Variants in SKAP1 observed in about 807,000 individuals in gnomAD.
The protein encoded by SKAP1 is src kinase associated phosphoprotein 1.
SKAP1 carries 44 observed loss-of-function variants against 58.5 expected under a neutral mutation model. That is an observed-to-expected ratio of 0.75 (90% CI 0.59 to 0.97). The LOEUF (loss-of-function observed/expected upper bound fraction) is 0.97, where lower values mean the gene tolerates loss of function less well. SKAP1 is among the 50% of genes least tolerant of loss of function. The probability of loss-of-function intolerance (pLI) is 0.00; values close to 1 mark genes in which losing one functional copy is unlikely to be tolerated. For missense variants in SKAP1, 390 were observed against 435.2 expected (o/e 0.90, Z 0.92); for synonymous variants, 127 against 149.7 (o/e 0.85, Z 1.11).
rs553109662 is a variant in SKAP1, at chr17:48,360,283, A to C, written c.178+3506T>G. On this transcript the variant is annotated intron_variant, in intron 3 of 12. Transcript: ENST00000336915. ...CATGAAGATTTTTTTATAGCAAATA[A>C]ATTTTGAATTATAAACATTATACCT... Among the ~76,000 whole-genome samples the C allele has an allele frequency of 2.0e-5, 3 of 152,274 alleles. No homozygotes were observed. The East Asian group carries it at 5.8e-4, about 29-fold the overall frequency.
At chr17:48,282,828 G>A (rs1398101169) in intron 4 of SKAP1, among the ~76,000 whole-genome samples, 2 of 150,540 alleles carry the variant, frequency 1.3e-5, no homozygotes, top group East Asian at 3.9e-4. Context: ...TTTTTGGTAA[G>A]GAAAATTGCA....
At chr17:48,245,068 T>C (rs559370586) in intron 4 of SKAP1, among the ~76,000 whole-genome samples, 1 of 152,334 alleles carries the variant, frequency 6.6e-6, no homozygotes, top group South Asian at 2.1e-4. Flanking sequence ...AACCTGACTC[T>C]CTTTCCTTCC....
intron 4 of SKAP1, among the ~76,000 whole-genome samples, chr17:48,208,388 C>T (rs866512425): frequency 2.0e-5 from 3 of 152,110 alleles, no homozygotes; most frequent in South Asian, 2.1e-4. Context: ...CATTGTCTAA[C>T]GACTGAAGGT....
At chr17:48,269,325 AACTTCT>A (rs2065597057) in intron 4 of SKAP1, among the ~76,000 whole-genome samples, 1 of 152,132 alleles carries the variant, frequency 6.6e-6, no homozygotes, top group Non-Finnish European at 1.5e-5. Context: ...AACAAAAAAT[AACTTCT>A]GTGTGTAACA....
chr17:48,321,544 AT>A (rs1437776742), intron 4 of SKAP1, among the ~76,000 whole-genome samples: 1 of 151,576 alleles, frequency 6.6e-6, no homozygotes, highest in Non-Finnish European at 1.5e-5. Context: ...CGCCCGGCTA[AT>A]TTTTTTGTAT....
At position 48,382,553 on chromosome 17, in the gene SKAP1, T is replaced by A. The variant is rs180957463; in HGVS notation, c.152+14127A>T. 10 of 152,364 alleles carry A rather than the reference T, an allele frequency of 6.6e-5. No homozygotes were observed. The East Asian group carries it at 1.9e-3, about 29-fold the overall frequency. The allele number at this position is 152,364 out of a possible 1,614,324, so 9.4% of individuals were successfully genotyped here. ...TGTCCAGAGAAACTTCTCTAGCAAC[T>A]AACTATAGAAATGATCCCTGAAAGT... On this transcript the variant is annotated intron_variant, in intron 2 of 12. Transcript: ENST00000336915.
chr17:48,144,035 C>T (rs1252198201), intron 11 of SKAP1, among the ~76,000 whole-genome samples: 13 of 152,042 alleles, frequency 8.6e-5, no homozygotes, highest in Admixed American at 3.9e-4. Context: ...CTGACCCTGC[C>T]GACTGCAGAT....
intron 4 of SKAP1, among the ~76,000 whole-genome samples, chr17:48,206,978 T>A (rs1404691130): frequency 6.6e-6 from 1 of 152,144 alleles, no homozygotes; most frequent in Non-Finnish European, 1.5e-5. Flanking sequence ...ACTATATGCA[T>A]ACATTATTTT....
intron 1 of SKAP1, among the ~76,000 whole-genome samples, chr17:48,416,623 G>A (rs2067734342): frequency 6.6e-6 from 1 of 152,136 alleles, no homozygotes; most frequent in South Asian, 2.1e-4. Context: ...GGAAACAGTA[G>A]AAAACCATAT....
At chr17:48,144,976 A>G (rs750703008) in intron 11 of SKAP1, among the ~76,000 whole-genome samples, 1 of 152,164 alleles carries the variant, frequency 6.6e-6, no homozygotes, top group Non-Finnish European at 1.5e-5. Flanking sequence ...TATATTCTCA[A>G]TGGTAGGGCT....
chr17:48,338,770 T>A (rs1414341988), intron 4 of SKAP1, among the ~76,000 whole-genome samples: 3 of 152,222 alleles, frequency 2.0e-5, no homozygotes, highest in Admixed American at 6.5e-5. Context: ...TTTTAATTCT[T>A]CATGAAAACA....
chr17:48,285,576 C>T (rs914657360), intron 4 of SKAP1, among the ~76,000 whole-genome samples: 3 of 150,174 alleles, frequency 2.0e-5, no homozygotes, highest in African/African-American at 7.4e-5. Flanking sequence ...GATCGTGCCA[C>T]TGCACTCCAG....
intron 4 of SKAP1, among the ~76,000 whole-genome samples, chr17:48,307,092 T>C (rs1403469733): frequency 6.6e-6 from 1 of 152,220 alleles, no homozygotes; most frequent in Non-Finnish European, 1.5e-5. Flanking sequence ...GTGAAGTATA[T>C]TTTATTATAG....
chr17:48,331,630 C>T (rs370340453), intron 4 of SKAP1, among the ~76,000 whole-genome samples: 23 of 151,322 alleles, frequency 1.5e-4, no homozygotes, highest in African/African-American at 5.6e-4. Context: ...ACCCGGGAGG[C>T]GGAGGTTGCT....
chr17:48,282,307 T>C (rs2065777150), intron 4 of SKAP1, among the ~76,000 whole-genome samples: 1 of 152,218 alleles, frequency 6.6e-6, no homozygotes, highest in African/African-American at 2.4e-5. Flanking sequence ...TTTTCCTCCA[T>C]TCATTCCTCA....
chr17:48,386,059 A>G (rs1342735291), intron 2 of SKAP1, among the ~76,000 whole-genome samples: 3 of 152,180 alleles, frequency 2.0e-5, no homozygotes, highest in African/African-American at 7.2e-5. Context: ...ATATGTTATT[A>G]GAGGAGACAC....
chr17:48,403,246 C>T (rs1009249060), intron 1 of SKAP1, among the ~76,000 whole-genome samples: 10 of 150,762 alleles, frequency 6.6e-5, no homozygotes, highest in African/African-American at 2.2e-4. Flanking sequence ...TGGTGGTGCA[C>T]GCCTGTAGCT....
intron 11 of SKAP1, among the ~76,000 whole-genome samples, chr17:48,142,367 CAGG>C (rs1423562308): frequency 6.6e-6 from 1 of 152,154 alleles, no homozygotes; most frequent in Non-Finnish European, 1.5e-5. Context: ...GAAGCTGAGG[CAGG>C]AGAATTGCTT....
intron 9 of SKAP1, among the ~76,000 whole-genome samples, chr17:48,173,588 A>G (rs923733154): frequency 6.6e-6 from 1 of 152,238 alleles, no homozygotes; most frequent in Non-Finnish European, 1.5e-5. Flanking sequence ...AATAATTTGG[A>G]CAGAGAGCAG....
Sources: gnomAD v4.1 joint callset for allele counts (sites outside exome capture counted in the v4.1 genomes callset) on GRCh38, gnomAD v4.1.1 for gene constraint, MANE v1.5 for transcripts, NCBI Gene and HGNC (gene_info 2026-07-23, HGNC 2026-07-21) for gene names.